Variants in DOCK4 observed in about 807,000 individuals in gnomAD.
DOCK4 encodes the protein dedicator of cytokinesis protein 4.
DOCK4 carries 97 observed loss-of-function variants against 268.1 expected under a neutral mutation model. The ratio of observed to expected loss-of-function variants is 0.36; its 90% CI spans 0.31 to 0.43. The LOEUF is 0.43. DOCK4 is among the 20% of genes least tolerant of loss of function. The pLI, the probability that DOCK4 is intolerant of heterozygous loss-of-function variation, is 1.00. For synonymous variants in DOCK4, 954 were observed against 887.2 expected (o/e 1.08, Z -1.34); for missense variants, 2,145 against 2,455.7 (o/e 0.87, Z 2.67).
chr7:111,878,836 C>G (rs1465006358), intron 16 of DOCK4, among the ~76,000 whole-genome samples: 1 of 152,200 alleles, frequency 6.6e-6, no homozygotes, highest in South Asian at 2.1e-4. Context: ...TCTTGGCAAG[C>G]CTTGCTACCA....
intron 1 of DOCK4, among the ~76,000 whole-genome samples, chr7:112,188,596 G>T (rs971505605): frequency 1.3e-5 from 2 of 152,098 alleles, no homozygotes; most frequent in Admixed American, 1.3e-4. Context: ...TCTGGAACAC[G>T]CAATAATTCC....
chr7:111,765,310 G>GTTCTCCTTTAT, intron 38 of DOCK4, 88 bp from the exon 39 acceptor site: 1 of 813,220 alleles, frequency 1.2e-6, no homozygotes, highest in Non-Finnish European at 1.9e-6. Flanking sequence ...TTTACATAAA[G>GTTCTCCTTTAT]GAGAACTTTA....
At chr7:111,826,651 G>A (rs997807849) in intron 26 of DOCK4, among the ~76,000 whole-genome samples, 8 of 152,108 alleles carry the variant, frequency 5.3e-5, no homozygotes, top group East Asian at 1.9e-4. Context: ...CAAATACTGC[G>A]TTCTCACTTA....
At chr7:112,116,169 C>T (rs1438281647) in intron 1 of DOCK4, among the ~76,000 whole-genome samples, 1 of 152,088 alleles carries the variant, frequency 6.6e-6, no homozygotes, top group East Asian at 1.9e-4. Flanking sequence ...ATACCCTCCA[C>T]CCTCCTCTCC....
chr7:111,782,558 A>G (rs1368584485), intron 35 of DOCK4, among the ~76,000 whole-genome samples: 1 of 152,016 alleles, frequency 6.6e-6, no homozygotes, highest in Non-Finnish European at 1.5e-5. Context: ...CAGCAACAAG[A>G]CTCTAGGAGG....
intron 12 of DOCK4, among the ~76,000 whole-genome samples, chr7:111,934,670 C>T (rs912555798): frequency 1.3e-5 from 2 of 150,972 alleles, no homozygotes; most frequent in Middle Eastern, 3.4e-3. Context: ...GCTGGGACTA[C>T]AGGTGCCTGC....
intron 1 of DOCK4, among the ~76,000 whole-genome samples, chr7:112,158,994 T>C (rs945510972): frequency 2.6e-5 from 4 of 152,158 alleles, no homozygotes; most frequent in Admixed American, 6.5e-5. Context: ...GCCAGCAATA[T>C]TTACCAAGTG....
Position 111,790,746 on chromosome 7 carries a change from C to A in DOCK4, c.3167-141G>T, listed in dbSNP as rs1431330479. 9 of 1,061,064 alleles carry A rather than the reference C, an allele frequency of 8.5e-6. No homozygotes were observed. The East Asian group carries it at 1.9e-4, about 22-fold the overall frequency. The allele number at this position is 1,061,064 out of a possible 1,614,324, so 65.7% of individuals were successfully genotyped here. ...CTCCTCAAGCAAGAAAATATAATAA[C>A]CCATGAGATACAATTAAAAATTATA... On this transcript the variant is annotated intron_variant, in intron 30 of 52. Transcript: ENST00000428084.
intron 8 of DOCK4, among the ~76,000 whole-genome samples, chr7:111,962,798 A>T (rs958409939): frequency 6.6e-6 from 1 of 152,244 alleles, no homozygotes; most frequent in African/African-American, 2.4e-5. Context: ...AAGTGATGTT[A>T]GGAAAAATAC....
chr7:111,948,147 A>G (rs1021826588), intron 8 of DOCK4, among the ~76,000 whole-genome samples: 2 of 152,194 alleles, frequency 1.3e-5, no homozygotes, highest in African/African-American at 4.8e-5. Flanking sequence ...TTTGACAGGT[A>G]CTCTGCCAAG....
chr7:111,785,211 T>G (rs1028530038), intron 32 of DOCK4, among the ~76,000 whole-genome samples: 5 of 152,196 alleles, frequency 3.3e-5, no homozygotes, highest in Non-Finnish European at 5.9e-5. Context: ...GAATCTGCCC[T>G]GACCAGTCCT....
At chr7:111,989,232 G>A in intron 5 of DOCK4, 69 bp from the exon 6 acceptor site, 2 of 1,582,178 alleles carry the variant, frequency 1.3e-6, no homozygotes, top group South Asian at 2.3e-5. Flanking sequence ...AACCAAAAAG[G>A]AAAGGGAAGA....
At chr7:111,957,865 C>T (rs1050436087) in intron 8 of DOCK4, among the ~76,000 whole-genome samples, 1 of 152,104 alleles carries the variant, frequency 6.6e-6, no homozygotes, top group African/African-American at 2.4e-5. Context: ...AATTTGTAGT[C>T]CAAAAATCTC....
rs140883588 is a variant in DOCK4, at chr7:112,018,143, CAAAAAAAAAAAA to C, written c.38-14024_38-14013del. 1.7e-3 allele frequency among the ~76,000 whole-genome samples: 36 copies of C among 20,638 alleles called. No homozygotes were observed. In the East Asian group the frequency reaches 0.056, roughly 32 times the overall value. 13.5% of individuals were successfully genotyped at this position (20,638 alleles called of 152,430 possible). ...TGGGCAACACAGCAAGACTCCAGCTCAAAAAAAAAAAAAAAAAAAAAAAAAAAAAAAAAAAAA... is the reference window on the plus strand; with the variant it reads ...TGGGCAACACAGCAAGACTCCAGCTCAAAAAAAAAAAAAAAAAAAAAAAAA... On this transcript the variant is annotated intron_variant, in intron 1 of 52. Transcript: ENST00000428084.
intron 1 of DOCK4, among the ~76,000 whole-genome samples, chr7:112,162,536 T>C (rs920181727): frequency 2.1e-5 from 3 of 143,476 alleles, no homozygotes; most frequent in Admixed American, 6.9e-5. Flanking sequence ...TCTCTCTCTC[T>C]CCCCCCTCTC....
At chr7:112,023,249 C>G (rs1053029286) in intron 1 of DOCK4, among the ~76,000 whole-genome samples, 7 of 152,154 alleles carry the variant, frequency 4.6e-5, no homozygotes, top group African/African-American at 1.7e-4. Flanking sequence ...TCTACGTATC[C>G]TTCATGAATG....
chr7:112,107,768 T>C (rs1005028129), intron 1 of DOCK4, among the ~76,000 whole-genome samples: 2 of 152,228 alleles, frequency 1.3e-5, no homozygotes, highest in Admixed American at 6.5e-5. Context: ...AAAGTTACTC[T>C]AGGCATGACC....
intron 17 of DOCK4, among the ~76,000 whole-genome samples, chr7:111,874,511 T>C (rs1215402854): frequency 1.3e-5 from 2 of 152,196 alleles, no homozygotes; most frequent in Admixed American, 6.5e-5. Flanking sequence ...GCCCAGTAGT[T>C]ATGTCCATCT....
intron 1 of DOCK4, among the ~76,000 whole-genome samples, chr7:112,174,757 A>G (rs10232440): frequency 0.93 from 141,993 of 152,130 alleles, 66,322 homozygotes; most frequent in Middle Eastern, 0.97. Flanking sequence ...AATACCATCC[A>G]ATTTTAAGGC....
Sources: gnomAD v4.1 joint callset for allele counts (sites outside exome capture counted in the v4.1 genomes callset) on GRCh38, gnomAD v4.1.1 for gene constraint, MANE v1.5 for transcripts, NCBI Gene and HGNC (gene_info 2026-07-23, HGNC 2026-07-21) for gene names.